Variants in LIPA observed in about 807,000 individuals in gnomAD.
The protein encoded by LIPA is lipase A, lysosomal acid type.
In LIPA, 26 loss-of-function variants were observed where a neutral mutation model predicts 40.6. The observed-to-expected ratio is 0.64, with a 90% CI of 0.47 to 0.89. The LOEUF is 0.89. Ranked by LOEUF, LIPA falls within the 40% of genes least tolerant of loss-of-function variation. The probability of loss-of-function intolerance (pLI) is 0.00; values close to 1 mark genes in which losing one functional copy is unlikely to be tolerated. For missense variants in LIPA, 455 were observed against 479.6 expected (o/e 0.95, Z 0.48); for synonymous variants, 188 against 168.4 (o/e 1.12, Z -0.90).
intron 1 of LIPA, among the ~76,000 whole-genome samples, chr10:89,262,159 G>A (rs1289507188): frequency 6.6e-6 from 1 of 151,896 alleles, no homozygotes; most frequent in Non-Finnish European, 1.5e-5. Flanking sequence ...TAAACTCCTG[G>A]TATTCCCTAT....
intron 1 of LIPA, among the ~76,000 whole-genome samples, chr10:89,330,624 G>A (rs1418882899): frequency 6.6e-6 from 1 of 152,178 alleles, no homozygotes; most frequent in African/African-American, 2.4e-5. Context: ...GAAGGGAAAA[G>A]GAAATTCATC....
At chr10:89,306,563 C>A (rs774870140) in intron 1 of LIPA, 1 of 1,614,100 alleles carries the variant, frequency 6.2e-7, no homozygotes, top group Non-Finnish European at 8.5e-7. Context: ...GCAAGCCATT[C>A]GGCTGAATCC....
intron 2 of LIPA, among the ~76,000 whole-genome samples, chr10:89,373,334 C>CAAAAAAAAAAAAAAAAAAAA (rs34479360): frequency 1.7e-4 from 11 of 63,150 alleles, no homozygotes; most frequent in African/African-American, 6.7e-4. Context: ...GACTCCCTCT[C>CAAAAAAAAAAAAAAAAAAAA]AAAAAAAAAA....
chr10:89,391,491 C>T (rs984297342), intron 2 of LIPA, among the ~76,000 whole-genome samples: 1 of 152,150 alleles, frequency 6.6e-6, no homozygotes, highest in South Asian at 2.1e-4. Flanking sequence ...CTGGGACTTA[C>T]AGGCCTGAGC....
chr10:89,409,428 A>T (rs758464660), intron 2 of LIPA, among the ~76,000 whole-genome samples: 1 of 152,152 alleles, frequency 6.6e-6, no homozygotes, highest in Non-Finnish European at 1.5e-5. Context: ...TTTAAAAAAG[A>T]CTGTCCAAAC....
At chr10:89,358,654 A>C (rs1844002464) in intron 2 of LIPA, among the ~76,000 whole-genome samples, 1 of 152,236 alleles carries the variant, frequency 6.6e-6, no homozygotes, top group African/African-American at 2.4e-5. Context: ...CATTATGTTA[A>C]GTGAAATAAG....
At chr10:89,248,400 CCCGCCT>C (rs1423280997) in intron 1 of LIPA, among the ~76,000 whole-genome samples, 1 of 147,850 alleles carries the variant, frequency 6.8e-6, no homozygotes, top group African/African-American at 2.5e-5. Context: ...TCGTGACCTG[CCCGCCT>C]CCGCCTCCCA....
chr10:89,221,335 C>T (rs558223850), intron 8 of LIPA, among the ~76,000 whole-genome samples: 2 of 152,064 alleles, frequency 1.3e-5, no homozygotes, highest in South Asian at 4.1e-4. Context: ...AGCCTGGCAA[C>T]AGAGTGAGAG....
intron 1 of LIPA, among the ~76,000 whole-genome samples, chr10:89,258,301 C>A (rs1843190999): frequency 6.6e-6 from 1 of 151,984 alleles, no homozygotes; most frequent in Non-Finnish European, 1.5e-5. Context: ...CATACACATA[C>A]ATTTGAAAGT....
chr10:89,307,593 G>A (rs1475768351), intron 1 of LIPA: 2 of 452,290 alleles, frequency 4.4e-6, no homozygotes, highest in East Asian at 3.3e-5. Flanking sequence ...GTAGGTCCAC[G>A]GGCTTGGTGA....
At chr10:89,319,983 T>C (rs1843562540) in intron 1 of LIPA, among the ~76,000 whole-genome samples, 1 of 152,288 alleles carries the variant, frequency 6.6e-6, no homozygotes, top group East Asian at 1.9e-4. Context: ...ATTATCTCAA[T>C]AGATGCAGAA....
chr10:89,302,271 T>C, intron 1 of LIPA: 1 of 850,518 alleles, frequency 1.2e-6, no homozygotes, highest in Admixed American at 2.0e-5. Flanking sequence ...CTGTTGGTTG[T>C]AAATCTGTCT....
chr10:89,392,642 A>C (rs1302527074), intron 2 of LIPA: 1 of 1,563,922 alleles, frequency 6.4e-7, no homozygotes, highest in East Asian at 2.2e-5. Flanking sequence ...TCCACAAGAC[A>C]GAATAGCCAG....
At chr10:89,362,525 C>T (rs1350324864) in intron 2 of LIPA, 1 of 264,720 alleles carries the variant, frequency 3.8e-6, no homozygotes, top group East Asian at 7.5e-5. Context: ...TGAATGAGAA[C>T]ACACCAACCA....
chr10:89,328,151 G>A, intron 1 of LIPA: 5 of 1,374,114 alleles, frequency 3.6e-6, no homozygotes, highest in Non-Finnish European at 5.2e-6. Flanking sequence ...TTACTGTGCA[G>A]GCACATTCCT....
In LIPA at chr10:89,412,800, G is replaced by C. The variant is rs201892015; in HGVS notation, c.52C>G (p.Leu18Val). The stretch of plus-strand genomic sequence containing the variant: ...AAGACCACGAACTCACCAGAAGGAA[G>C]AAACTCCAGACACATCTGAACATCG... Residue 18 changes from leucine (L) to valine (V), a missense_variant, in exon 2 of 9, where the codon CTT becomes GTT. Transcript: ENST00000371837. The C allele has an allele frequency of 2.3e-4, 62 of 264,410 alleles. No individual in the cohort carries two copies. In the Middle Eastern group the frequency reaches 3.6e-3, roughly 15 times the overall value. 16.4% of individuals were successfully genotyped at this position (264,410 alleles called of 1,614,324 possible).
At chr10:89,299,658 A>C (rs1159973737) in intron 1 of LIPA, among the ~76,000 whole-genome samples, 1 of 152,200 alleles carries the variant, frequency 6.6e-6, no homozygotes, top group East Asian at 1.9e-4. Flanking sequence ...ACCAACAGGC[A>C]TATGAAAAAA....
intron 1 of LIPA, chr10:89,307,131 T>A (rs1157948651): frequency 6.2e-7 from 1 of 1,614,016 alleles, no homozygotes; most frequent in Non-Finnish European, 8.5e-7. Flanking sequence ...GACAAGGCCA[T>A]CCACCACTTT....
chr10:89,269,171 C>A (rs1384216444), intron 1 of LIPA, among the ~76,000 whole-genome samples: 7 of 144,324 alleles, frequency 4.9e-5, no homozygotes, highest in Non-Finnish European at 9.1e-5. Flanking sequence ...CTAAAAAATA[C>A]AAAAAAAAAT....
Sources: gnomAD v4.1 joint callset for allele counts (sites outside exome capture counted in the v4.1 genomes callset) on GRCh38, gnomAD v4.1.1 for gene constraint, MANE v1.5 for transcripts, NCBI Gene and HGNC (gene_info 2026-07-23, HGNC 2026-07-21) for gene names.